Variants in IFT80 observed in about 807,000 individuals in gnomAD.
IFT80 encodes the protein intraflagellar transport 80.
A neutral mutation model predicts 107.9 loss-of-function variants in IFT80; 79 were observed. The observed-to-expected ratio is 0.73, with a 90% CI of 0.61 to 0.88. The LOEUF (loss-of-function observed/expected upper bound fraction) is 0.88, where lower values mean the gene tolerates loss of function less well. Among genes scored for constraint, IFT80 ranks in the 40% least tolerant of loss-of-function variants. IFT80 has a pLI of 0.00. For missense variants in IFT80, 797 were observed against 914.2 expected (o/e 0.87, Z 1.65); for synonymous variants, 299 against 300.9 (o/e 0.99, Z 0.07).
chr3:160,368,798 T>TAC (rs55651837), intron 5 of IFT80, among the ~76,000 whole-genome samples: 2 of 151,760 alleles, frequency 1.3e-5, no homozygotes, highest in Non-Finnish European at 2.9e-5. Flanking sequence ...AGTAAATTAA[T>TAC]GTTTTAATTT....
chr3:160,364,602 C>A (rs2108375266), intron 6 of IFT80, among the ~76,000 whole-genome samples: 1 of 152,228 alleles, frequency 6.6e-6, no homozygotes, highest in South Asian at 2.1e-4. Flanking sequence ...GGAACCAATA[C>A]AAATGTCCAT....
At chr3:160,266,445 T>C (rs1023880718) in intron 19 of IFT80, among the ~76,000 whole-genome samples, 3 of 151,604 alleles carry the variant, frequency 2.0e-5, no homozygotes, top group African/African-American at 7.3e-5. Context: ...TGGAGTGCAG[T>C]GGCATGATCT....
chr3:160,339,359 AAAAAC>A (rs1719722105), intron 8 of IFT80, among the ~76,000 whole-genome samples: 1 of 152,244 alleles, frequency 6.6e-6, no homozygotes, highest in Non-Finnish European at 1.5e-5. Context: ...GTCCAAAGAC[AAAAAC>A]TTGGAAGGTA....
intron 8 of IFT80, among the ~76,000 whole-genome samples, chr3:160,342,263 G>A (rs528016737): frequency 6.6e-6 from 1 of 152,310 alleles, no homozygotes; most frequent in South Asian, 2.1e-4. Flanking sequence ...CACCGCTGGA[G>A]TCTTGACTCC....
rs1715446067 is a variant in IFT80, at chr3:160,290,281, GC to G, written c.1316-4414del. ...AAATTAGCTGGGCGTGGTGGTGCAT[GC>G]CTGTAATCCTAGCTATTCAGGAGGC... On this transcript the variant is annotated intron_variant, in intron 12 of 19. Transcript: ENST00000326448. 2.0e-5 allele frequency among the ~76,000 whole-genome samples: 3 copies of G among 152,060 alleles called. No homozygotes were observed. In the South Asian group the frequency reaches 6.2e-4, roughly 32 times the overall value.
rs141424000 is a variant in IFT80 at position 160,378,854 on chromosome 3, A to G, written c.260-1314T>C. Among the ~76,000 whole-genome samples the G allele has an allele frequency of 3.2e-3, 486 of 152,258 alleles. 2 individuals are homozygous for G. The highest frequency in any genetic ancestry group is 0.011 in the African/African-American group (467 of 41,568). ...CCTTGGAGTAGAATACCAACTAATCAATATGGAAGAAATTACGGAGTTGGA... is the reference window on the plus strand; with the variant it reads ...CCTTGGAGTAGAATACCAACTAATCGATATGGAAGAAATTACGGAGTTGGA... On this transcript the variant is annotated intron_variant, in intron 3 of 19. Transcript: ENST00000326448.
At chr3:160,271,821 T>A (rs1411158490) in intron 18 of IFT80, among the ~76,000 whole-genome samples, 1 of 151,768 alleles carries the variant, frequency 6.6e-6, no homozygotes, top group Non-Finnish European at 1.5e-5. Context: ...TTTTGTAAGC[T>A]CAAATTAATA....
intron 18 of IFT80, among the ~76,000 whole-genome samples, chr3:160,272,733 G>A (rs1713915599): frequency 6.6e-6 from 1 of 152,034 alleles, no homozygotes; most frequent in Non-Finnish European, 1.5e-5. Context: ...CAATGTCTAG[G>A]ATCTCTCATG....
At chr3:160,306,329 A>G (rs1028357896) in intron 10 of IFT80, among the ~76,000 whole-genome samples, 17 of 152,320 alleles carry the variant, frequency 1.1e-4, no homozygotes, top group Admixed American at 2.6e-4. Flanking sequence ...CCTTGCCACT[A>G]TAACTAGTAG....
At chr3:160,283,730 T>C (rs1271729763) in intron 13 of IFT80, among the ~76,000 whole-genome samples, 2 of 152,178 alleles carry the variant, frequency 1.3e-5, no homozygotes, top group Non-Finnish European at 2.9e-5. Context: ...TAAACAGATA[T>C]GATTCTCCTA....
intron 3 of IFT80, 96 bp downstream of exon 3, chr3:160,381,407 A>T: frequency 1.1e-6 from 1 of 931,036 alleles, no homozygotes; most frequent in South Asian, 1.4e-5. Context: ...ATGCAGATCC[A>T]CAAATACCAG....
intron 8 of IFT80, among the ~76,000 whole-genome samples, chr3:160,329,923 T>G (rs1022455913): frequency 6.6e-6 from 1 of 152,190 alleles, no homozygotes; most frequent in Non-Finnish European, 1.5e-5. Context: ...CACTGTTACT[T>G]ATCTTACTTA....
At chr3:160,366,013 G>T in intron 6 of IFT80, 30 bp downstream of exon 6, 3 of 1,544,868 alleles carry the variant, frequency 1.9e-6, no homozygotes, top group Non-Finnish European at 2.7e-6. Context: ...GGCAGACCCT[G>T]ATAACAATTT....
intron 13 of IFT80, among the ~76,000 whole-genome samples, chr3:160,284,385 C>T (rs1456576017): frequency 1.3e-5 from 2 of 152,042 alleles, no homozygotes; most frequent in African/African-American, 4.8e-5. Context: ...TTTTGATATG[C>T]TTAATCTTAC....
intron 18 of IFT80, among the ~76,000 whole-genome samples, chr3:160,274,241 A>G (rs1714057777): frequency 6.6e-6 from 1 of 152,232 alleles, no homozygotes; most frequent in Non-Finnish European, 1.5e-5. Flanking sequence ...AGGAATGTAG[A>G]GTGGAGAGAA....
chr3:160,357,693 T>G, intron 6 of IFT80, 115 bp from the exon 7 acceptor site: 1 of 659,276 alleles, frequency 1.5e-6, no homozygotes, highest in Non-Finnish European at 2.7e-6. Flanking sequence ...TCTCAGGGAT[T>G]CCTATCTTCC....
chr3:160,364,998 T>TA (rs1229199503), intron 6 of IFT80, among the ~76,000 whole-genome samples: 1 of 132,484 alleles, frequency 7.5e-6, no homozygotes, highest in Non-Finnish European at 1.6e-5. Flanking sequence ...ACTTAAAGTA[T>TA]AATTAAAAAA....
intron 12 of IFT80, among the ~76,000 whole-genome samples, chr3:160,298,459 C>T (rs551584150): frequency 2.1e-4 from 32 of 152,032 alleles, no homozygotes; most frequent in Non-Finnish European, 4.0e-4. Context: ...ATAAGTAAAA[C>T]AGATACTTAA....
intron 8 of IFT80, among the ~76,000 whole-genome samples, chr3:160,331,187 T>C (rs573649485): frequency 6.6e-6 from 1 of 152,280 alleles, no homozygotes; most frequent in African/African-American, 2.4e-5. Flanking sequence ...AAAGGGTTAC[T>C]TGAACGAACA....
Sources: allele counts gnomAD v4.1 joint callset (sites outside exome capture counted in the v4.1 genomes callset), GRCh38; gene constraint gnomAD v4.1.1; transcripts MANE v1.5; gene names NCBI Gene and HGNC (gene_info 2026-07-23, HGNC 2026-07-21).